DAAM1: variants seen among roughly 807,000 people sequenced by gnomAD.
The protein encoded by DAAM1 is dishevelled associated activator of morphogenesis 1.
In DAAM1, 52 loss-of-function variants were observed where a neutral mutation model predicts 130.0. That is an observed-to-expected ratio of 0.40 (90% confidence interval 0.32 to 0.50). The LOEUF is 0.50. Ranked by LOEUF, DAAM1 falls within the 20% of genes least tolerant of loss-of-function variation. DAAM1 has a pLI of 0.61. For synonymous variants in DAAM1, 452 were observed against 444.5 expected (o/e 1.02, Z -0.21); for missense variants, 1,134 against 1,303.8 (o/e 0.87, Z 2.01).
At chr14:59,225,052 G>A (rs1282219026) in intron 1 of DAAM1, among the ~76,000 whole-genome samples, 8 of 90,710 alleles carry the variant, frequency 8.8e-5, no homozygotes, top group African/African-American at 2.1e-4. Flanking sequence ...TTTTTGAGAC[G>A]GAGTCTCCTT....
At chr14:59,267,900 C>CG (rs962853441) in intron 2 of DAAM1, among the ~76,000 whole-genome samples, 48 of 99,722 alleles carry the variant, frequency 4.8e-4, no homozygotes, top group African/African-American at 1.5e-3. Context: ...ATACGCCCCC[C>CG]CCTTTTTTTT....
At chr14:59,224,142 G>A (rs1416223944) in intron 1 of DAAM1, among the ~76,000 whole-genome samples, 3 of 152,184 alleles carry the variant, frequency 2.0e-5, no homozygotes, top group South Asian at 4.1e-4. Context: ...GACAGGTATG[G>A]AGAAAAGGGC....
chr14:59,299,832 A>G (rs1212295229), intron 3 of DAAM1: 1 of 152,104 alleles, frequency 6.6e-6, no homozygotes, highest in Non-Finnish European at 1.5e-5. Context: ...CTTAATTTAT[A>G]TTTGGGAAGT....
At chr14:59,241,560 T>C (rs1881117081) in intron 1 of DAAM1, among the ~76,000 whole-genome samples, 1 of 152,244 alleles carries the variant, frequency 6.6e-6, no homozygotes, top group Admixed American at 6.5e-5. Flanking sequence ...ACTAGCTGTT[T>C]ACATATTTCT....
intron 1 of DAAM1, among the ~76,000 whole-genome samples, chr14:59,242,040 A>G (rs1191546858): frequency 6.6e-6 from 1 of 152,206 alleles, no homozygotes; most frequent in African/African-American, 2.4e-5. Context: ...TAAAACTGGA[A>G]GAGACCTTGA....
intron 2 of DAAM1, among the ~76,000 whole-genome samples, chr14:59,268,730 G>A (rs1400015036): frequency 1.3e-5 from 2 of 152,112 alleles, no homozygotes; most frequent in Non-Finnish European, 2.9e-5. Context: ...TACCTTTCGA[G>A]AATCAATTCT....
chr14:59,198,801 A>G (rs560814108), intron 1 of DAAM1, among the ~76,000 whole-genome samples: 6 of 152,270 alleles, frequency 3.9e-5, no homozygotes, highest in Admixed American at 2.0e-4. Context: ...GTGCTTTGCA[A>G]TTGCACAGAG....
intron 1 of DAAM1, among the ~76,000 whole-genome samples, chr14:59,210,805 A>G (rs1007918072): frequency 2.6e-5 from 4 of 152,242 alleles, no homozygotes; most frequent in Admixed American, 2.0e-4. Context: ...TAGTTTTTCC[A>G]CTGGACTAAA....
At chr14:59,251,184 C>T (rs1207940740) in intron 1 of DAAM1, among the ~76,000 whole-genome samples, 1 of 152,196 alleles carries the variant, frequency 6.6e-6, no homozygotes, top group Non-Finnish European at 1.5e-5. Flanking sequence ...TTTTCTATTT[C>T]ACAGTCATAA....
intron 21 of DAAM1, among the ~76,000 whole-genome samples, chr14:59,360,003 C>A (rs1594850154): frequency 6.6e-6 from 1 of 152,182 alleles, no homozygotes; most frequent in East Asian, 1.9e-4. Flanking sequence ...TGCTGTTTTT[C>A]CCTCCCTCTT....
At chr14:59,238,292 C>T (rs902720340) in intron 1 of DAAM1, among the ~76,000 whole-genome samples, 1 of 152,108 alleles carries the variant, frequency 6.6e-6, no homozygotes, top group African/African-American at 2.4e-5. Flanking sequence ...AAGCCTCATT[C>T]ATATTTCCCT....
Position 59,225,034 on chromosome 14 carries a change from T to TTG in DAAM1, c.-38+36267_-38+36268insGT, listed in dbSNP as rs1389038974. Among the ~76,000 whole-genome samples the TTG allele has an allele frequency of 9.6e-4, 137 of 142,252 alleles. 2 individuals carry two copies. Among genetic ancestry groups the TTG allele is most frequent in the African/African-American group, 3.3e-3 (124 of 37,492 alleles). The allele number at this position is 142,252 out of a possible 152,430, so 93.3% of individuals were successfully genotyped here. On this transcript the variant is annotated intron_variant, in intron 1 of 24. Transcript: ENST00000360909. ...ATCTGTGTGGGTTTTTTTTTTTTTT[T>TTG]TTTTTTTTTTTTGAGACGGAGTCTC...
intron 2 of DAAM1, chr14:59,264,886 C>G (rs1273870785): frequency 6.6e-6 from 1 of 152,144 alleles, no homozygotes; most frequent in East Asian, 1.9e-4. Context: ...GTGTTCTCAT[C>G]ATTCAGCTCC....
At chr14:59,198,639 G>A (rs1166202454) in intron 1 of DAAM1, among the ~76,000 whole-genome samples, 1 of 152,208 alleles carries the variant, frequency 6.6e-6, no homozygotes, top group Non-Finnish European at 1.5e-5. Flanking sequence ...TTACAACAGT[G>A]ATGTGGGGCA....
intron 15 of DAAM1, among the ~76,000 whole-genome samples, chr14:59,336,316 A>T (rs1480599211): frequency 6.6e-6 from 1 of 152,184 alleles, no homozygotes; most frequent in Non-Finnish European, 1.5e-5. Flanking sequence ...CCAAGCCCTA[A>T]GCTTTATGCC....
chr14:59,190,446 A>G (rs1887698519), intron 1 of DAAM1, among the ~76,000 whole-genome samples: 1 of 152,192 alleles, frequency 6.6e-6, no homozygotes, highest in Admixed American at 6.5e-5. Context: ...GTGCATAAAG[A>G]GAGCTCTCTG....
At chr14:59,309,532 A>G (rs1884497857) in intron 3 of DAAM1, among the ~76,000 whole-genome samples, 1 of 152,218 alleles carries the variant, frequency 6.6e-6, no homozygotes, top group African/African-American at 2.4e-5. Flanking sequence ...CCGTGGGCTA[A>G]TTTGGCCAGT....
chr14:59,212,911 A>C (rs1230752206), intron 1 of DAAM1, among the ~76,000 whole-genome samples: 20 of 152,172 alleles, frequency 1.3e-4, no homozygotes, highest in Non-Finnish European at 1.8e-4. Context: ...ACTTTAAATG[A>C]ATTTTACTTT....
intron 1 of DAAM1, among the ~76,000 whole-genome samples, chr14:59,248,587 T>A (rs1300640424): frequency 6.6e-6 from 1 of 152,228 alleles, no homozygotes; most frequent in African/African-American, 2.4e-5. Context: ...CTTTGTTTAA[T>A]GAAAAGAGAT....
Sources: allele counts gnomAD v4.1 joint callset (sites outside exome capture counted in the v4.1 genomes callset), GRCh38; gene constraint gnomAD v4.1.1; transcripts MANE v1.5; gene names NCBI Gene and HGNC (gene_info 2026-07-23, HGNC 2026-07-21).